The following AFG2A variants were observed in gnomAD, a reference collection of about 807,000 sequenced individuals.
AFG2A encodes AAA ATPase AFG2A.
the AFG2A span, among the ~76,000 whole-genome samples, chr4:123,167,217 A>G: frequency 6.7e-6 from 1 of 148,510 alleles, no homozygotes; most frequent in African/African-American, 2.4e-5. Context: ...TATTTGATAT[A>G]TATACTTACA....
At chr4:123,026,544 T>C in the AFG2A span, among the ~76,000 whole-genome samples, 3 of 152,206 alleles carry the variant, frequency 2.0e-5, no homozygotes, top group Non-Finnish European at 4.4e-5. Context: ...TTAAGTTATA[T>C]GGATTATTTG....
the AFG2A span, among the ~76,000 whole-genome samples, chr4:122,960,266 T>C: frequency 6.6e-6 from 1 of 152,238 alleles, no homozygotes; most frequent in Admixed American, 6.5e-5. Context: ...CCTCAAAATT[T>C]ATAATGTTTT....
the AFG2A span, chr4:123,256,837 A>G: frequency 2.6e-4 from 255 of 983,912 alleles, 1 homozygote; most frequent in South Asian, 9.3e-3. Context: ...CTCTTTACTT[A>G]TGCTATTTTT....
chr4:123,124,889 G>T, the AFG2A span, among the ~76,000 whole-genome samples: 1 of 152,140 alleles, frequency 6.6e-6, no homozygotes, highest in Non-Finnish European at 1.5e-5. Flanking sequence ...ATTTTACAAA[G>T]AAAATGTAAC....
At chr4:123,099,029 T>C in the AFG2A span, among the ~76,000 whole-genome samples, 1 of 151,966 alleles carries the variant, frequency 6.6e-6, no homozygotes, top group Admixed American at 6.6e-5. Flanking sequence ...AACATTTATC[T>C]TTCATGTTTT....
chr4:123,011,330 A>T, the AFG2A span, among the ~76,000 whole-genome samples: 1 of 152,370 alleles, frequency 6.6e-6, no homozygotes, highest in South Asian at 2.1e-4. Context: ...GTATACAAAA[A>T]CTTTATTATC....
chr4:123,079,161 TA>T, the AFG2A span, among the ~76,000 whole-genome samples: 1 of 152,354 alleles, frequency 6.6e-6, no homozygotes, highest in African/African-American at 2.4e-5. Context: ...ATTGAACAAA[TA>T]AATTGAATTG....
chr4:122,964,922 A>G, the AFG2A span, among the ~76,000 whole-genome samples: 1 of 152,226 alleles, frequency 6.6e-6, no homozygotes, highest in African/African-American at 2.4e-5. Context: ...CACCTTGTCT[A>G]TACTTAATAC....
chr4:123,029,366 C>G, the AFG2A span, among the ~76,000 whole-genome samples: 2 of 152,132 alleles, frequency 1.3e-5, no homozygotes, highest in Non-Finnish European at 2.9e-5. Flanking sequence ...GCGACTGCGT[C>G]TGGCCCAGAA....
the AFG2A span, among the ~76,000 whole-genome samples, chr4:123,198,762 G>C: frequency 6.6e-6 from 1 of 152,032 alleles, no homozygotes; most frequent in Non-Finnish European, 1.5e-5. Flanking sequence ...AATTACCTTT[G>C]CTAAAATTGA....
At chr4:122,976,804 G>T in the AFG2A span, among the ~76,000 whole-genome samples, 2 of 152,126 alleles carry the variant, frequency 1.3e-5, no homozygotes, top group Non-Finnish European at 2.9e-5. Flanking sequence ...TACCAAAAGG[G>T]CAGGGGCAAA....
At chr4:123,124,965 A>G in the AFG2A span, among the ~76,000 whole-genome samples, 1 of 152,198 alleles carries the variant, frequency 6.6e-6, no homozygotes, top group African/African-American at 2.4e-5. Context: ...ACCAGGAAAC[A>G]TATTACTTTT....
chr4:123,045,151 A>G, the AFG2A span, among the ~76,000 whole-genome samples: 8 of 148,506 alleles, frequency 5.4e-5, no homozygotes, highest in African/African-American at 1.9e-4. Context: ...TTTTTCTCCA[A>G]TGTTTTTATA....
the AFG2A span, among the ~76,000 whole-genome samples, chr4:123,279,427 A>T: frequency 7.0e-6 from 1 of 143,658 alleles, no homozygotes; most frequent in Non-Finnish European, 1.6e-5. Context: ...AAAAAAAAAA[A>T]GCTTTTATAG....
the AFG2A span, among the ~76,000 whole-genome samples, chr4:123,042,396 C>A: frequency 2.0e-5 from 3 of 152,126 alleles, no homozygotes; most frequent in Admixed American, 6.5e-5. Context: ...TAATCTCATT[C>A]ATGAGGGCTC....
At chr4:122,933,300 C>T in the AFG2A span, 8 of 662,344 alleles carry the variant, frequency 1.2e-5, no homozygotes, top group African/African-American at 1.3e-4. Context: ...AAATTGTATA[C>T]ATTATTTATT....
At chr4:122,939,803 C>T in the AFG2A span, among the ~76,000 whole-genome samples, 3 of 152,126 alleles carry the variant, frequency 2.0e-5, no homozygotes, top group African/African-American at 7.2e-5. Flanking sequence ...CACAACAGGC[C>T]CCAGAGTGTG....
the AFG2A span, among the ~76,000 whole-genome samples, chr4:123,311,356 G>T: frequency 6.6e-6 from 1 of 151,986 alleles, no homozygotes; most frequent in Non-Finnish European, 1.5e-5. Context: ...GGCTGGGCTC[G>T]GGGGCTCACA....
the AFG2A span, among the ~76,000 whole-genome samples, chr4:123,312,427 C>T: frequency 6.6e-6 from 1 of 152,198 alleles, no homozygotes; most frequent in Non-Finnish European, 1.5e-5. Flanking sequence ...AGAAGTGCTG[C>T]TCAGAAGGGT....
Sources: gnomAD v4.1 joint callset for allele counts (sites outside exome capture counted in the v4.1 genomes callset) on GRCh38, gnomAD v4.1.1 for gene constraint, MANE v1.5 for transcripts, NCBI Gene and HGNC (gene_info 2026-07-23, HGNC 2026-07-21) for gene names.